Variants in LTC4S observed in about 807,000 individuals in gnomAD.
LTC4S encodes LTC4 synthase.
In LTC4S, 18 loss-of-function variants were observed where a neutral mutation model predicts 19.6. The ratio of observed to expected loss-of-function variants is 0.92; its 90% CI spans 0.64 to 1.36. The LOEUF (loss-of-function observed/expected upper bound fraction) is 1.36, where lower values mean the gene tolerates loss of function less well. LTC4S is among the 40% of genes most tolerant of loss of function. The pLI is 0.00. For synonymous variants in LTC4S, 126 were observed against 110.1 expected (o/e 1.14, Z -0.91); for missense variants, 235 against 212.2 (o/e 1.11, Z -0.67).
Position 179,796,369 on chromosome 5 carries a change from T to TCCGGACGCTGCTG in LTC4S, c.432_444dup (p.Trp149AspfsTer41). On this transcript the variant is annotated frameshift_variant, in exon 5 of 5. Coordinates refer to ENST00000292596, the MANE Select transcript of LTC4S (RefSeq NM_145867.2). LOFTEE classifies it high-confidence loss of function. ...CTGCGCGCCGCGCTCCTCGGACGGC[T>TCCGGACGCTGCTG]CCGGACGCTGCTGCCGTGGGCCTGA... 1 of 1,497,520 alleles carries TCCGGACGCTGCTG rather than the reference T, an allele frequency of 6.7e-7. No individual in the cohort carries two copies. The highest frequency in any genetic ancestry group is 8.8e-7 in the Non-Finnish European group (1 of 1,131,146). 92.8% of individuals were successfully genotyped at this position (1,497,520 alleles called of 1,614,324 possible). A position where few individuals can be genotyped will look rare whatever the true frequency, so the allele number is the denominator to read the frequency against.
rs939310909 is a variant in LTC4S at position 179,796,296 on chromosome 5, G to A, written c.355G>A (p.Val119Met). 6.8e-7 allele frequency: 1 copy of A among 1,473,524 alleles called. No homozygotes were observed. Among genetic ancestry groups the A allele is most frequent in the Admixed American group, 2.4e-5 (1 of 42,142 alleles). 91.3% of individuals were successfully genotyped at this position (1,473,524 alleles called of 1,614,324 possible). Residue 119 changes from valine to methionine, a missense_variant, in exon 5 of 5, where the codon GTG (valine) becomes ATG (methionine). Physicochemically the swap from Val to Met is conservative, Grantham distance 21. Transcript: ENST00000292596. Reference protein sequence around the residue: ...YASARALWLLVALAALGLLAH... With the variant: ...YASARALWLLMALAALGLLAH... ...GAGCGCGCGCGCCCTCTGGCTGCTG[G>A]TGGCGCTGGCTGCGCTCGGCCTGCT... is the stretch of plus-strand genomic sequence containing the variant.
chr5:179,796,406 CCGGGCCGA>C lies in LTC4S; in HGVS notation c.*16_*23del. ...TGCCGTGGGCCTGAGACCAAGGCCC[CCGGGCCGA>C]CGGAGCCGGGAAAGAAGAGCCGGAG... On this transcript the variant is annotated 3_prime_UTR_variant, in exon 5 of 5. Transcript: ENST00000292596. 1.4e-6 allele frequency: 2 copies of C among 1,481,376 alleles called. No individual in the cohort carries two copies. Among genetic ancestry groups the C allele is most frequent in the Admixed American group, 4.6e-5 (2 of 43,536 alleles). The allele number at this position is 1,481,376 out of a possible 1,614,324, so 91.8% of individuals were successfully genotyped here.
chr5:179,794,907 C>G (rs1197983174), intron 1 of LTC4S, among the ~76,000 whole-genome samples: 2 of 152,230 alleles, frequency 1.3e-5, no homozygotes, highest in African/African-American at 4.8e-5. Context: ...CCCTCTGCAA[C>G]TACCCCAGCC....
chr5:179,796,432 A>T lies in LTC4S; in HGVS notation c.*38A>T. On this transcript the variant is annotated 3_prime_UTR_variant, in exon 5 of 5. Coordinates refer to ENST00000292596, the MANE Select transcript of LTC4S (RefSeq NM_145867.2). ...CGGGCCGACGGAGCCGGGAAAGAAG[A>T]GCCGGAGCCTCCAGCTGCCCCGGGG... 2 of 1,467,284 alleles carry T rather than the reference A, an allele frequency of 1.4e-6. No homozygotes were observed. Among genetic ancestry groups the T allele is most frequent in the Non-Finnish European group, 1.8e-6 (2 of 1,113,514 alleles). The allele number at this position is 1,467,284 out of a possible 1,614,324, so 90.9% of individuals were successfully genotyped here.
Position 179,795,614 on chromosome 5 carries a change from G to A in LTC4S, c.89G>A (p.Arg30His), listed in dbSNP as rs919628560. 2 of 1,610,132 alleles carry A rather than the reference G, an allele frequency of 1.2e-6. No individual in the cohort carries two copies. Among genetic ancestry groups the A allele is most frequent in the Non-Finnish European group, 1.7e-6 (2 of 1,179,154 alleles). The change falls in exon 2 of 5, where the codon CGC (arginine) becomes CAC (histidine). Residue 30 changes from arginine (R) to histidine (H), a missense_variant. Coordinates refer to ENST00000292596, the MANE Select transcript of LTC4S (RefSeq NM_145867.2). ...TTCTCCCTGCAGGTGATCTCGGCGCGCAGGGCCTTCCGCGTGTCGCCGCCG... is the reference window on the plus strand; with the variant it reads ...TTCTCCCTGCAGGTGATCTCGGCGCACAGGGCCTTCCGCGTGTCGCCGCCG... Reference protein sequence around the residue: ...AYFSLQVISARRAFRVSPPLT... With the variant: ...AYFSLQVISAHRAFRVSPPLT...
At chr5:179,796,120 C>G (rs138945650) in intron 4 of LTC4S, 98 bp downstream of exon 4, 2 of 1,280,742 alleles carry the variant, frequency 1.6e-6, no homozygotes, top group Non-Finnish European at 2.0e-6. Flanking sequence ...GGCGACGGGC[C>G]GGAGCCCAGC....
chr5:179,796,255 TG>T lies in LTC4S; in HGVS notation c.316del (p.Ala106HisfsTer75). 6.8e-7 allele frequency: 1 copy of T among 1,463,530 alleles called. No homozygotes were observed. The allele number at this position is 1,463,530 out of a possible 1,614,324, so 90.7% of individuals were successfully genotyped here. A position where few individuals can be genotyped will look rare whatever the true frequency, so the allele number is the denominator to read the frequency against. ...TCCCCGCTGACCGCCGCCCGCAGGCTGGCACCGCTGTACGCGAGCGCGCGCG... is the reference window on the plus strand; with the variant it reads ...TCCCCGCTGACCGCCGCCCGCAGGCTGCACCGCTGTACGCGAGCGCGCGCG... ...QGYARSAQLR[L>X]APLYASARAL... On this transcript the variant is annotated frameshift_variant, in exon 5 of 5. Transcript: ENST00000292596. LOFTEE classifies it high-confidence loss of function.
chr5:179,795,967 T>C lies in LTC4S; in HGVS notation c.256T>C (p.Tyr86His), dbSNP rs755619985. The C allele has an allele frequency of 3.2e-6, 5 of 1,548,344 alleles. No individual in the cohort carries two copies. The highest frequency in any genetic ancestry group is 1.2e-5 in the South Asian group (1 of 86,024). The change falls in exon 4 of 5, where the codon TAC (tyrosine) becomes CAC (histidine). Residue 86 changes from tyrosine to histidine, a missense_variant. Coordinates refer to ENST00000292596, the MANE Select transcript of LTC4S (RefSeq NM_145867.2). ...EGAAALCGLV[Y>H]LFARLRYFQG... ...GGCGGCGGCCCTGTGCGGCCTGGTC[T>C]ACCTGTTCGCGCGCCTCCGCTACTT... is the stretch of plus-strand genomic sequence containing the variant.
At chr5:179,795,159 C>A (rs1438795500) in intron 1 of LTC4S, 1 of 225,638 alleles carries the variant, frequency 4.4e-6, no homozygotes, top group Non-Finnish European at 8.7e-6. Context: ...TTCCTTGCAC[C>A]TGGGAGGATG....
At chr5:179,795,363 C>A in intron 1 of LTC4S, 1 of 1,417,884 alleles carries the variant, frequency 7.1e-7, no homozygotes. Context: ...CCTCTCTGCG[C>A]CCCAGGCTTC....
In LTC4S at chr5:179,795,594, C is replaced by T; in HGVS notation, c.69C>T (p.Ser23=). ...LLGVLLQAYF[S]LQVISARRAF... is the part of the protein sequence containing the mutation. ...CCCCTCCTCCCCCAGCCTACTTCTCCCTGCAGGTGATCTCGGCGCGCAGGG... is the reference window on the plus strand; with the variant it reads ...CCCCTCCTCCCCCAGCCTACTTCTCTCTGCAGGTGATCTCGGCGCGCAGGG... Residue 23 remains serine (S), a synonymous_variant, in exon 2 of 5, where the codon TCC becomes TCT. Coordinates refer to ENST00000292596, the MANE Select transcript of LTC4S (RefSeq NM_145867.2). 1 of 1,609,914 alleles carries T rather than the reference C, an allele frequency of 6.2e-7. No homozygotes were observed. The highest frequency in any genetic ancestry group is 2.2e-5 in the East Asian group (1 of 44,734).
In LTC4S at chr5:179,796,182, G is replaced by A. The variant is rs1352912873; in HGVS notation, c.312-71G>A. On this transcript the variant is annotated intron_variant, in intron 4 of 4. Transcript: ENST00000292596. ...CTGGCGGCGGCCAGAGGAAGTCCCC[G>A]TGGGGCCAGGGTTGCGGCGGGGAAG... The A allele has an allele frequency of 3.8e-6, 5 of 1,313,144 alleles. No homozygotes were observed. In the East Asian group the frequency reaches 1.2e-4, roughly 32 times the overall value. The allele number at this position is 1,313,144 out of a possible 1,614,324, so 81.3% of individuals were successfully genotyped here.
chr5:179,795,717 C>T (rs1461283010), intron 2 of LTC4S, 34 bp downstream of exon 2: 1 of 1,567,310 alleles, frequency 6.4e-7, no homozygotes, highest in East Asian at 2.4e-5. Flanking sequence ...GGGCGGGGAG[C>T]GAGCCCCAGG....
intron 1 of LTC4S, chr5:179,795,301 C>T: frequency 8.7e-7 from 1 of 1,155,056 alleles, no homozygotes; most frequent in Non-Finnish European, 1.1e-6. Flanking sequence ...AGCAGGTGTC[C>T]CTGTGCCTGA....
At position 179,795,932 on chromosome 5, in the gene LTC4S, C is replaced by T. The variant is rs748214513; in HGVS notation, c.230-9C>T. On this transcript the variant is annotated splice_polypyrimidine_tract_variant and intron_variant, in intron 3 of 4. Coordinates refer to ENST00000292596, the MANE Select transcript of LTC4S (RefSeq NM_145867.2). ...GGGCGCTCACCAGGCCCGTGCGTACCTCTCGCAGGGGCGGCGGCCCTGTGC... is the reference window on the plus strand; with the variant it reads ...GGGCGCTCACCAGGCCCGTGCGTACTTCTCGCAGGGGCGGCGGCCCTGTGC... The T allele has an allele frequency of 6.4e-7, 1 of 1,572,786 alleles. No homozygotes were observed.
rs137961528 is a variant in LTC4S at position 179,794,302 on chromosome 5, C to A, written c.58+164C>A. 1.6e-3 allele frequency among the ~76,000 whole-genome samples: 246 copies of A among 152,282 alleles called. 1 individual carries two copies. The highest frequency in any genetic ancestry group is 5.7e-3 in the African/African-American group (237 of 41,558). The stretch of plus-strand genomic sequence containing the variant: ...ACTGGGGGGCACCTGGCTGTGAGAG[C>A]TGTAGGACTTGGGGGTGGCAAGGGT... On this transcript the variant is annotated intron_variant, in intron 1 of 4. Coordinates refer to ENST00000292596, the MANE Select transcript of LTC4S (RefSeq NM_145867.2).
chr5:179,796,011 C>G lies in LTC4S; in HGVS notation c.300C>G (p.Ser100=), dbSNP rs1440483784. The G allele has an allele frequency of 1.3e-6, 2 of 1,525,042 alleles. No homozygotes were observed. Among genetic ancestry groups the G allele is most frequent in the Admixed American group, 2.0e-5 (1 of 50,626 alleles). 94.5% of individuals were successfully genotyped at this position (1,525,042 alleles called of 1,614,324 possible). A position where few individuals can be genotyped will look rare whatever the true frequency, so the allele number is the denominator to read the frequency against. Residue 100 remains serine, a synonymous_variant, in exon 4 of 5, where the codon TCC becomes TCG. Transcript: ENST00000292596. ...GCTACTTCCAGGGCTACGCGCGCTCCGCGCAGCTCAGGTGAGGGCCGGGCG... is the reference window on the plus strand; with the variant it reads ...GCTACTTCCAGGGCTACGCGCGCTCGGCGCAGCTCAGGTGAGGGCCGGGCG... ...RLRYFQGYAR[S]AQLRLAPLYA... is the part of the protein sequence containing the mutation.
At chr5:179,794,497 C>T (rs948329195) in intron 1 of LTC4S, among the ~76,000 whole-genome samples, 4 of 152,234 alleles carry the variant, frequency 2.6e-5, no homozygotes, top group African/African-American at 9.6e-5. Context: ...ACTCCTTCCT[C>T]CAGCCCCCTA....
In LTC4S at chr5:179,796,603, G is replaced by A; in HGVS notation, c.*209G>A. 1 of 663,848 alleles carries A rather than the reference G, an allele frequency of 1.5e-6. No individual in the cohort carries two copies. Among genetic ancestry groups the A allele is most frequent in the Non-Finnish European group, 2.2e-6 (1 of 454,170 alleles). The allele number at this position is 663,848 out of a possible 1,614,324, so 41.1% of individuals were successfully genotyped here. On this transcript the variant is annotated 3_prime_UTR_variant, in exon 5 of 5. Coordinates refer to ENST00000292596, the MANE Select transcript of LTC4S (RefSeq NM_145867.2). ...AGCCCGAGTCCGGGCAGCCCGGGGC[G>A]GGCTTCCTAGTGGCGGCGTGAGAGT...
Sources: allele counts gnomAD v4.1 joint callset (sites outside exome capture counted in the v4.1 genomes callset), GRCh38; gene constraint gnomAD v4.1.1; transcripts MANE v1.5; gene names NCBI Gene and HGNC (gene_info 2026-07-23, HGNC 2026-07-21).